TGM3: variants seen among roughly 807,000 people sequenced by gnomAD.
TGM3 encodes the protein protein-glutamine gamma-glutamyltransferase E.
Under a neutral mutation model 73.8 loss-of-function variants are expected in TGM3, and 52 were observed. That is an observed-to-expected ratio of 0.70 (90% CI 0.56 to 0.89). TGM3 has a LOEUF of 0.89. Ranked by LOEUF, TGM3 falls within the 40% of genes least tolerant of loss-of-function variation. The pLI, the probability that TGM3 is intolerant of heterozygous loss-of-function variation, is 0.00. For synonymous variants in TGM3, 372 were observed against 354.9 expected (o/e 1.05, Z -0.54); for missense variants, 928 against 909.9 (o/e 1.02, Z -0.26).
At chr20:2,324,335 C>T (rs1049989013) in intron 7 of TGM3, among the ~76,000 whole-genome samples, 20 of 152,290 alleles carry the variant, frequency 1.3e-4, no homozygotes, top group African/African-American at 4.6e-4. Context: ...CTTTGTCTGA[C>T]AATTCCAACA....
In TGM3 at chr20:2,334,629, G is replaced by A. The variant is rs1311839006; in HGVS notation, c.1643-487G>A. Among the ~76,000 whole-genome samples the A allele has an allele frequency of 6.6e-6, 1 of 152,094 alleles. No homozygotes were observed. Among genetic ancestry groups the A allele is most frequent in the Non-Finnish European group, 1.5e-5 (1 of 68,006 alleles). The stretch of plus-strand genomic sequence containing the variant: ...TGTTGTTGGCAATCAGGTGGCATTT[G>A]TATTCTTCCACTGCCCCTCAGAAGG... On this transcript the variant is annotated intron_variant, in intron 10 of 12. Coordinates refer to ENST00000381458, the MANE Select transcript of TGM3 (RefSeq NM_003245.4). The surrounding 1 kb of genome is among the most constrained non-coding windows in gnomAD (Gnocchi z 4.0).
In TGM3 at chr20:2,328,298, C is replaced by T. The variant is rs1381864076; in HGVS notation, c.1266C>T (p.Tyr422=). ...TGAACAGTCACACCATTGGCAGGTA[C>T]ATCAGCACCAAGGCGGTGGGCAGCA... ...NSVNSHTIGR[Y]ISTKAVGSNA... is the part of the protein sequence containing the mutation. The change falls in exon 9 of 13, where the codon TAC becomes TAT. Residue 422 remains tyrosine, a synonymous_variant. Coordinates refer to ENST00000381458, the MANE Select transcript of TGM3 (RefSeq NM_003245.4). The surrounding 1 kb of genome is among the most constrained non-coding windows in gnomAD (Gnocchi z 5.2). 6 of 1,614,048 alleles carry T rather than the reference C, an allele frequency of 3.7e-6. No homozygotes were observed. The highest frequency in any genetic ancestry group is 5.1e-6 in the Non-Finnish European group (6 of 1,180,042).
At chr20:2,336,556 G>A (rs2084352514) in intron 11 of TGM3, among the ~76,000 whole-genome samples, 1 of 149,984 alleles carries the variant, frequency 6.7e-6, no homozygotes, top group Admixed American at 6.7e-5. Flanking sequence ...CTCAGAAAGG[G>A]CAGGGGGATC....
intron 1 of TGM3, among the ~76,000 whole-genome samples, chr20:2,306,472 C>CTTTTTTTTTTTTTTTT (rs33929365): frequency 3.1e-5 from 4 of 129,620 alleles, no homozygotes; most frequent in Non-Finnish European, 6.4e-5. Flanking sequence ...CTTTTCCTTT[C>CTTTTTTTTTTTTTTTT]TTTTTTTTTT....
intron 7 of TGM3, among the ~76,000 whole-genome samples, chr20:2,321,546 T>C (rs1386355579): frequency 3.3e-5 from 5 of 152,122 alleles, no homozygotes; most frequent in African/African-American, 1.2e-4. Context: ...CATAGCTCAG[T>C]TGGTGTCTGT....
chr20:2,340,467 G>C lies in TGM3; in HGVS notation c.1968G>C (p.Arg656=). ...VPTLGPKEGS[R]VRFDILPSRS... ...CCCTAGGGCCCAAGGAGGGGTCCCG[G>C]GTCCGTTTTGATATCCTGCCCTCCC... Residue 656 remains arginine (R), a synonymous_variant, in exon 13 of 13, where the codon CGG becomes CGC. Transcript: ENST00000381458. 1.9e-6 allele frequency: 3 copies of C among 1,614,046 alleles called. No individual in the cohort carries two copies. The highest frequency in any genetic ancestry group is 2.5e-6 in the Non-Finnish European group (3 of 1,179,964).
At chr20:2,331,459 T>A (rs1007896798) in intron 9 of TGM3, among the ~76,000 whole-genome samples, 2 of 152,158 alleles carry the variant, frequency 1.3e-5, no homozygotes, top group Non-Finnish European at 2.9e-5. Flanking sequence ...ACACCGACCA[T>A]GGGAAGTCCT....
rs1028418559 is a variant in TGM3, at chr20:2,340,401, C to T, written c.1935-33C>T. On this transcript the variant is annotated intron_variant, in intron 12 of 12. Coordinates refer to ENST00000381458, the MANE Select transcript of TGM3 (RefSeq NM_003245.4). ...CGTCCAGCCCAAGGTCCGTGTGTCTCGTATCAACACTGATCTGTGCCCTCC... is the reference window on the plus strand; with the variant it reads ...CGTCCAGCCCAAGGTCCGTGTGTCTTGTATCAACACTGATCTGTGCCCTCC... 3.7e-6 allele frequency: 6 copies of T among 1,612,544 alleles called. No individual in the cohort carries two copies. The African/African-American group carries it at 4.0e-5, about 11-fold the overall frequency.
chr20:2,332,380 T>G lies in TGM3; in HGVS notation c.1642+70T>G, dbSNP rs749381889. ...CCAATGGCCTTCTGGGGCTGCAGGG[T>G]GTCTGCTGGGCTCCAGGTTAGTCAG... On this transcript the variant is annotated intron_variant, in intron 10 of 12. Transcript: ENST00000381458. The surrounding 1 kb of genome is among the most constrained non-coding windows in gnomAD (Gnocchi z 4.4). 1 of 1,436,902 alleles carries G rather than the reference T, an allele frequency of 7.0e-7. No individual in the cohort carries two copies. Among genetic ancestry groups the G allele is most frequent in the African/African-American group, 1.4e-5 (1 of 69,946 alleles). The allele number at this position is 1,436,902 out of a possible 1,614,324, so 89.0% of individuals were successfully genotyped here. A position where few individuals can be genotyped will look rare whatever the true frequency, so the allele number is the denominator to read the frequency against.
intron 1 of TGM3, among the ~76,000 whole-genome samples, chr20:2,306,049 T>A (rs2084174999): frequency 6.6e-6 from 1 of 152,192 alleles, no homozygotes; most frequent in Admixed American, 6.5e-5. Context: ...CTCAGTTTTT[T>A]CTTTTTCATC....
rs1457536280 is a variant in TGM3, at chr20:2,325,920, T to C, written c.1055T>C (p.Val352Ala). Reference sequence around the variant, plus strand: ...GGCCCCTCGTACGGTGGATGGCAGGTGTTGGATGCTACCCCGCAGGAAAGA... The same window carrying C: ...GGCCCCTCGTACGGTGGATGGCAGGCGTTGGATGCTACCCCGCAGGAAAGA... ...DLGPSYGGWQ[V>A]LDATPQERSQ... The change falls in exon 8 of 13, where the codon GTG becomes GCG. Residue 352 changes from valine to alanine, a missense_variant. Coordinates refer to ENST00000381458, the MANE Select transcript of TGM3 (RefSeq NM_003245.4). 22 of 1,594,926 alleles carry C rather than the reference T, an allele frequency of 1.4e-5. No individual in the cohort carries two copies. Among genetic ancestry groups the C allele is most frequent in the Non-Finnish European group, 1.7e-5 (20 of 1,169,782 alleles).
chr20:2,330,639 G>A (rs1207160185), intron 9 of TGM3, among the ~76,000 whole-genome samples: 1 of 152,212 alleles, frequency 6.6e-6, no homozygotes, highest in Non-Finnish European at 1.5e-5. Flanking sequence ...GCATGGACGA[G>A]TTGGCCTCTG....
chr20:2,314,199 G>T (rs2084221782), intron 5 of TGM3, among the ~76,000 whole-genome samples: 2 of 151,934 alleles, frequency 1.3e-5, no homozygotes, highest in Non-Finnish European at 2.9e-5. Context: ...AGCCAAGCAT[G>T]GTGGTACATA....
At chr20:2,335,035 T>C in intron 10 of TGM3, 81 bp from the exon 11 acceptor site, 2 of 1,549,438 alleles carry the variant, frequency 1.3e-6, no homozygotes, top group Non-Finnish European at 1.8e-6. Context: ...TCACCCTGCC[T>C]TGGCTTGGCA....
chr20:2,313,651 ACTCT>A (rs111654089), intron 5 of TGM3, among the ~76,000 whole-genome samples: 5 of 150,102 alleles, frequency 3.3e-5, no homozygotes, highest in Admixed American at 6.6e-5. Context: ...AATCACACAC[ACTCT>A]CTCTCTCTCT....
Position 2,328,411 on chromosome 20 carries a change from G to A in TGM3, c.1333+46G>A. On this transcript the variant is annotated intron_variant, in intron 9 of 12. Transcript: ENST00000381458. The surrounding 1 kb of genome is among the most constrained non-coding windows in gnomAD (Gnocchi z 5.2). ...GCAGTGCCGCGAGAGGTTCTATTGT[G>A]GGAGGATGGCTCTGAGGCTGGAGAG... 1 of 1,607,600 alleles carries A rather than the reference G, an allele frequency of 6.2e-7. No homozygotes were observed. The highest frequency in any genetic ancestry group is 8.5e-7 in the Non-Finnish European group (1 of 1,175,924).
At position 2,332,292 on chromosome 20, in the gene TGM3, T is replaced by A. The variant is rs200893750; in HGVS notation, c.1624T>A (p.Ser542Thr). Residue 542 changes from serine to threonine, a missense_variant, in exon 10 of 13, where the codon TCC (serine) becomes ACC (threonine). Coordinates refer to ENST00000381458, the MANE Select transcript of TGM3 (RefSeq NM_003245.4). This position sits in a 1 kb window ranked among gnomAD's most constrained non-coding sequence, Gnocchi z 4.4. ...HEVWKDSATM[S>T]LDPEEEAEHP... ...AGTGTGGAAGGACTCTGCCACAATG[T>A]CCCTGGACCCTGAGGAAGGTAACGC... The A allele has an allele frequency of 1.7e-5, 27 of 1,601,122 alleles. No individual in the cohort carries two copies. The East Asian group carries it at 6.0e-4, about 36-fold the overall frequency.
At position 2,340,001 on chromosome 20, in the gene TGM3, C is replaced by G. The variant is rs772207373; in HGVS notation, c.1934+14C>G. ...CCTGAAGATCGAGTGAGTCCTGGGC[C>G]TAAGTGGCCGGTGCAGGAGGGCGGG... is the stretch of plus-strand genomic sequence containing the variant. On this transcript the variant is annotated intron_variant, in intron 12 of 12. Coordinates refer to ENST00000381458, the MANE Select transcript of TGM3 (RefSeq NM_003245.4). 1 of 1,030,628 alleles carries G rather than the reference C, an allele frequency of 9.7e-7. No homozygotes were observed. Among genetic ancestry groups the G allele is most frequent in the South Asian group, 1.3e-5 (1 of 77,492 alleles). 63.8% of individuals were successfully genotyped at this position (1,030,628 alleles called of 1,614,324 possible).
At chr20:2,310,952 C>A in intron 3 of TGM3, 59 bp from the exon 4 acceptor site, 1 of 1,465,238 alleles carries the variant, frequency 6.8e-7, no homozygotes, top group South Asian at 1.1e-5. Context: ...AGAGGAGGAA[C>A]GATCCCTACA....
Sources: allele counts gnomAD v4.1 joint callset (sites outside exome capture counted in the v4.1 genomes callset), GRCh38; gene constraint gnomAD v4.1.1; non-coding constraint Gnocchi (gnomAD v3.1); transcripts MANE v1.5; gene names NCBI Gene and HGNC (gene_info 2026-07-23, HGNC 2026-07-21).